Variants in ZNF254 observed in about 807,000 individuals in gnomAD.
ZNF254 encodes CTD-2017D11.1.
Under a neutral mutation model 12.4 loss-of-function variants are expected in ZNF254, and 10 were observed. The ratio of observed to expected loss-of-function variants is 0.80; its 90% CI spans 0.50 to 1.36. The LOEUF (loss-of-function observed/expected upper bound fraction) is 1.36, where lower values mean the gene tolerates loss of function less well. Ranked by LOEUF, ZNF254 falls within the 40% of genes most tolerant of loss-of-function variation. The probability of loss-of-function intolerance (pLI) is 0.00; values close to 1 mark genes in which losing one functional copy is unlikely to be tolerated. For missense variants in ZNF254, 996 were observed against 763.9 expected (o/e 1.30, Z -3.58); for synonymous variants, 305 against 253.4 (o/e 1.20, Z -1.93).
rs552315329 is a variant in ZNF254 at position 24,115,159 on chromosome 19, C to A, written c.253+8516C>A. Among the ~76,000 whole-genome samples, 4 of 151,266 alleles carry A rather than the reference C, an allele frequency of 2.6e-5. No individual in the cohort carries two copies. The East Asian group carries it at 7.8e-4, about 29-fold the overall frequency. On this transcript the variant is annotated intron_variant, in intron 3 of 3. Coordinates refer to ENST00000357002, the MANE Select transcript of ZNF254 (RefSeq NM_203282.4). The stretch of plus-strand genomic sequence containing the variant: ...AGAACTAGAAATACCATTTGACCCA[C>A]CCAACCCATTACTGGGTAGATACCC...
intron 3 of ZNF254, among the ~76,000 whole-genome samples, chr19:24,113,337 T>C (rs1973820875): frequency 6.6e-6 from 1 of 152,162 alleles, no homozygotes; most frequent in African/African-American, 2.4e-5. Context: ...TCCACCATGA[T>C]CAAGTGGGCT....
At chr19:24,095,904 G>T (rs1972640448) in intron 1 of ZNF254, among the ~76,000 whole-genome samples, 2 of 152,010 alleles carry the variant, frequency 1.3e-5, no homozygotes, top group South Asian at 4.2e-4. Context: ...CTTAGGGATT[G>T]ATTTTCTCTT....
At chr19:24,048,396 T>C (rs1461029558) in intron 2 of ZNF254, among the ~76,000 whole-genome samples, 3 of 152,220 alleles carry the variant, frequency 2.0e-5, no homozygotes, top group Non-Finnish European at 2.9e-5. Context: ...GGCTTCTCCT[T>C]CTGGCTGCCA....
At chr19:24,061,903 G>A (rs563924425) in intron 2 of ZNF254, among the ~76,000 whole-genome samples, 9 of 152,060 alleles carry the variant, frequency 5.9e-5, no homozygotes, top group Admixed American at 2.6e-4. Context: ...GACCAACATG[G>A]AAAAACCCTG....
intron 1 of ZNF254, among the ~76,000 whole-genome samples, chr19:24,099,161 A>ATTT (rs779671942): frequency 2.3e-5 from 3 of 133,140 alleles, no homozygotes; most frequent in African/African-American, 8.4e-5. Context: ...ATGCCCAGCT[A>ATTT]TTTTTTTTTT....
chr19:24,081,485 ATAGT>A (rs1407510898), intron 2 of ZNF254, among the ~76,000 whole-genome samples: 25 of 152,342 alleles, frequency 1.6e-4, no homozygotes, highest in Non-Finnish European at 1.0e-4. Context: ...TCAATAAAAA[ATAGT>A]TAAACATTTG....
At chr19:24,062,819 A>G (rs996118847) in intron 2 of ZNF254, among the ~76,000 whole-genome samples, 7 of 152,104 alleles carry the variant, frequency 4.6e-5, no homozygotes, top group Non-Finnish European at 7.3e-5. Context: ...ATTTATTTTG[A>G]GATGGAGTTT....
chr19:24,085,977 C>T (rs567569646), upstream of ZNF254, among the ~76,000 whole-genome samples: 86 of 152,050 alleles, frequency 5.7e-4, 1 homozygote, highest in South Asian at 0.017. Flanking sequence ...GAGGCTGAGG[C>T]GGGTGGATTA....
chr19:24,062,910 C>A (rs1263434354), intron 2 of ZNF254, among the ~76,000 whole-genome samples: 1 of 152,158 alleles, frequency 6.6e-6, no homozygotes, highest in African/African-American at 2.4e-5. Context: ...AAGTGATTCT[C>A]CTGCCTCAGC....
intron 1 of ZNF254, among the ~76,000 whole-genome samples, chr19:24,089,680 T>G (rs1281768039): frequency 2.0e-5 from 3 of 151,946 alleles, no homozygotes; most frequent in African/African-American, 7.2e-5. Context: ...ATGCCCTGAG[T>G]CTAAAAGGCA....
Position 24,126,598 on chromosome 19 carries a change from C to A in ZNF254, c.598C>A (p.His200Asn). Residue 200 changes from histidine (H) to asparagine (N), a missense_variant, in exon 4 of 4, where the codon CAC (histidine) becomes AAC (asparagine). Transcript: ENST00000357002. ...LFCMLSHKTQ[H>N]KSIYHREKSY... ...TTGCATGCTTTCACATAAAACCCAA[C>A]ACAAAAGCATTTATCATAGAGAGAA... The A allele has an allele frequency of 6.2e-7, 1 of 1,603,890 alleles. No homozygotes were observed. Among genetic ancestry groups the A allele is most frequent in the Non-Finnish European group, 8.5e-7 (1 of 1,177,454 alleles).
chr19:24,089,622 A>G (rs999938431), intron 1 of ZNF254, among the ~76,000 whole-genome samples: 3 of 152,080 alleles, frequency 2.0e-5, no homozygotes, highest in African/African-American at 7.2e-5. Flanking sequence ...ATATTCTCTC[A>G]TAGGAAAATC....
intron 3 of ZNF254, among the ~76,000 whole-genome samples, chr19:24,118,145 C>T (rs560329454): frequency 1.1e-3 from 163 of 151,696 alleles, no homozygotes; most frequent in African/African-American, 3.6e-3. Context: ...CTCCGCCTCC[C>T]GGGTTTCAAG....
intron 2 of ZNF254, among the ~76,000 whole-genome samples, chr19:24,061,866 C>G (rs1313707696): frequency 6.6e-6 from 1 of 152,058 alleles, no homozygotes; most frequent in Non-Finnish European, 1.5e-5. Flanking sequence ...GACGGATCAC[C>G]TGATGTCGGG....
intron 3 of ZNF254, among the ~76,000 whole-genome samples, chr19:24,121,383 C>A (rs1974471504): frequency 6.6e-6 from 1 of 151,964 alleles, no homozygotes; most frequent in South Asian, 2.1e-4. Context: ...CTAGCATATG[C>A]CACCATACAT....
chr19:24,038,042 T>C (rs760009775), intron 1 of ZNF254, among the ~76,000 whole-genome samples: 1 of 152,222 alleles, frequency 6.6e-6, no homozygotes, highest in Non-Finnish European at 1.5e-5. Context: ...CCACTGTACC[T>C]GGCCAGAAAA....
upstream of ZNF254, among the ~76,000 whole-genome samples, chr19:24,082,173 TAAG>T (rs1971867929): frequency 6.6e-6 from 1 of 151,860 alleles, no homozygotes; most frequent in Non-Finnish European, 1.5e-5. Flanking sequence ...ATATAGTAAT[TAAG>T]AAGATTCTTT....
At chr19:24,067,355 T>C (rs764606213) in intron 2 of ZNF254, among the ~76,000 whole-genome samples, 2 of 151,560 alleles carry the variant, frequency 1.3e-5, no homozygotes, top group East Asian at 2.0e-4. Flanking sequence ...GCCGAAATGG[T>C]CATTGTGACA....
rs915458375 is a variant in ZNF254 at position 24,106,571 on chromosome 19, C to G, written c.181C>G (p.Leu61Val). ...AGGTATTGCTGTCTCTAAGCCAGAC[C>G]TGATCACCTGTCTGGAACAAGGGAA... ...FLGIAVSKPD[L>V]ITCLEQGKEP... Residue 61 changes from leucine to valine, a missense_variant, in exon 3 of 4, where the codon CTG becomes GTG. Physicochemically the swap from Leu to Val is conservative, Grantham distance 32. Transcript: ENST00000357002. The G allele has an allele frequency of 1.3e-5, 21 of 1,582,596 alleles. No homozygotes were observed. Among genetic ancestry groups the G allele is most frequent in the Non-Finnish European group, 1.7e-5 (20 of 1,162,486 alleles).
Sources: allele counts gnomAD v4.1 joint callset (sites outside exome capture counted in the v4.1 genomes callset), GRCh38; gene constraint gnomAD v4.1.1; transcripts MANE v1.5; gene names NCBI Gene and HGNC (gene_info 2026-07-23, HGNC 2026-07-21).